The following HNRNPM variants were observed in gnomAD, a reference collection of about 807,000 sequenced individuals.
HNRNPM encodes the protein CEA receptor.
A neutral mutation model predicts 73.1 loss-of-function variants in HNRNPM; 11 were observed. The ratio of observed to expected loss-of-function variants is 0.15; its 90% CI spans 0.09 to 0.25. The LOEUF is 0.25. HNRNPM is among the 10% of genes least tolerant of loss of function. The pLI, the probability that HNRNPM is intolerant of heterozygous loss-of-function variation, is 1.00. For missense variants in HNRNPM, 789 were observed against 1,067.9 expected (o/e 0.74, Z 3.64); for synonymous variants, 407 against 355.2 (o/e 1.15, Z -1.64).
At chr19:8,459,462 T>C (rs1969249868) in intron 2 of HNRNPM, among the ~76,000 whole-genome samples, 2 of 152,140 alleles carry the variant, frequency 1.3e-5, no homozygotes, top group Admixed American at 6.6e-5. Context: ...TATTAAAGAG[T>C]GTGCATGTGT....
chr19:8,446,529 C>T (rs530049280), intron 1 of HNRNPM, among the ~76,000 whole-genome samples: 115 of 152,300 alleles, frequency 7.6e-4, no homozygotes, highest in African/African-American at 2.6e-3. Flanking sequence ...TCCATCTCAG[C>T]CTCCTGAGTA....
chr19:8,452,701 C>G (rs1168524522), intron 1 of HNRNPM, among the ~76,000 whole-genome samples: 1 of 152,188 alleles, frequency 6.6e-6, no homozygotes, highest in Non-Finnish European at 1.5e-5. Flanking sequence ...TGAGAGATCA[C>G]AGAGGAAGCT....
In HNRNPM at chr19:8,445,091, C is replaced by A. The variant is rs774566448; in HGVS notation, c.93C>A (p.Asn31Lys). 7.0e-7 allele frequency: 1 copy of A among 1,418,560 alleles called. No individual in the cohort carries two copies. Among genetic ancestry groups the A allele is most frequent in the Admixed American group, 3.7e-5 (1 of 27,054 alleles). The allele number at this position is 1,418,560 out of a possible 1,614,324, so 87.9% of individuals were successfully genotyped here. A position where few individuals can be genotyped will look rare whatever the true frequency, so the allele number is the denominator to read the frequency against. ...GCGCGCCCGGCGTGCCGAGCGGCAACGGGGCTCCGGGCCCTAAGGGGTGAG... is the reference window on the plus strand; with the variant it reads ...GCGCGCCCGGCGTGCCGAGCGGCAAAGGGGCTCCGGGCCCTAAGGGGTGAG... ...ESGAPGVPSG[N>K]GAPGPKGEGE... is the part of the protein sequence containing the mutation. Residue 31 changes from asparagine to lysine, a missense_variant, in exon 1 of 16, where the codon AAC (asparagine) becomes AAA (lysine). Asn to Lys is a moderately conservative substitution (Grantham distance 94). Transcript: ENST00000325495.
At chr19:8,483,709 A>G (rs935108160) in intron 13 of HNRNPM, among the ~76,000 whole-genome samples, 2 of 152,236 alleles carry the variant, frequency 1.3e-5, no homozygotes, top group Non-Finnish European at 2.9e-5. Context: ...ACTGCCGGAA[A>G]CATTTTGTTC....
At chr19:8,454,684 CT>C (rs57290220) in intron 1 of HNRNPM, among the ~76,000 whole-genome samples, 2,161 of 118,762 alleles carry the variant, frequency 0.018, 32 homozygotes, top group East Asian at 0.03. Flanking sequence ...CCCCCCCCCC[CT>C]TTTTTTTTTT....
At chr19:8,484,518 C>A (rs1013027097) in intron 13 of HNRNPM, among the ~76,000 whole-genome samples, 4 of 152,242 alleles carry the variant, frequency 2.6e-5, no homozygotes, top group Non-Finnish European at 5.9e-5. Flanking sequence ...CCCATTCTCG[C>A]TAGGTTCCTT....
chr19:8,484,877 G>A (rs1220592836), intron 13 of HNRNPM, among the ~76,000 whole-genome samples: 2 of 152,094 alleles, frequency 1.3e-5, no homozygotes, highest in African/African-American at 2.4e-5. Flanking sequence ...GCGTCCCTTC[G>A]TTCTGCTGAC....
chr19:8,445,444 C>T, intron 1 of HNRNPM: 1 of 224,910 alleles, frequency 4.4e-6, no homozygotes, highest in Non-Finnish European at 8.7e-6. Context: ...CCTACCCGAC[C>T]GCTCCCCGGG....
In HNRNPM at chr19:8,471,273, G is replaced by T. The variant is rs1328571976; in HGVS notation, c.896-53G>T. 5 of 1,153,072 alleles carry T rather than the reference G, an allele frequency of 4.3e-6. No individual in the cohort carries two copies. The East Asian group carries it at 1.0e-4, about 24-fold the overall frequency. The allele number at this position is 1,153,072 out of a possible 1,614,324, so 71.4% of individuals were successfully genotyped here. ...CACTAAACACTCTTTTCCTTTGAGG[G>T]TCAAGGTTTGCTAAATAGGGGAAAA... is the stretch of plus-strand genomic sequence containing the variant. On this transcript the variant is annotated intron_variant, in intron 9 of 15. Transcript: ENST00000325495.
rs1419238187 is a variant in HNRNPM, at chr19:8,462,368, C to T, written c.284-161C>T. ...TGTTTTCACCTACTTTTACTGCACA[C>T]CTGTAATGCCTAGTTCGGTGGTTTA... On this transcript the variant is annotated intron_variant, in intron 2 of 15. Coordinates refer to ENST00000325495, the MANE Select transcript of HNRNPM (RefSeq NM_005968.5). The surrounding 1 kb of genome is among the most constrained non-coding windows in gnomAD (Gnocchi z 4.5). The T allele has an allele frequency of 1.5e-6, 1 of 658,176 alleles. No homozygotes were observed. The allele number at this position is 658,176 out of a possible 1,614,324, so 40.8% of individuals were successfully genotyped here.
At chr19:8,470,323 C>T (rs1486607872) in intron 9 of HNRNPM, among the ~76,000 whole-genome samples, 2 of 152,108 alleles carry the variant, frequency 1.3e-5, no homozygotes, top group Non-Finnish European at 2.9e-5. Context: ...TTCTTTCCTT[C>T]CTTTCTTCCT....
In HNRNPM at chr19:8,445,033, C is replaced by T. The variant is rs1031762845; in HGVS notation, c.35C>T (p.Ala12Val). ...GGGGTCGAAGCGGCGGCGGAGGTGG[C>T]GGCGACGGAGATCAAAATGGAGGAA... is the stretch of plus-strand genomic sequence containing the variant. The part of the protein sequence containing the change: ...AAGVEAAAEV[A>V]ATEIKMEEES... The change falls in exon 1 of 16, where the codon GCG (alanine) becomes GTG (valine). Residue 12 changes from alanine to valine, a missense_variant. Around this residue, in one of 4 missense-constraint regions of HNRNPM, gnomAD observed 79 missense variants for 70.7 expected, o/e 1.12. Transcript: ENST00000325495. 22 of 1,421,812 alleles carry T rather than the reference C, an allele frequency of 1.5e-5. No homozygotes were observed. Among genetic ancestry groups the T allele is most frequent in the Non-Finnish European group, 1.8e-5 (20 of 1,091,040 alleles). 88.1% of individuals were successfully genotyped at this position (1,421,812 alleles called of 1,614,324 possible). A position where few individuals can be genotyped will look rare whatever the true frequency, so the allele number is the denominator to read the frequency against.
intron 12 of HNRNPM, among the ~76,000 whole-genome samples, chr19:8,479,055 T>C (rs1290071521): frequency 3.3e-5 from 5 of 150,966 alleles, no homozygotes; most frequent in African/African-American, 1.2e-4. Flanking sequence ...GCAGAGCAAT[T>C]TCCTCCTCTT....
At chr19:8,465,130 T>G (rs948842200) in intron 5 of HNRNPM, among the ~76,000 whole-genome samples, 194 bp from the exon 6 acceptor site, 1 of 152,222 alleles carries the variant, frequency 6.6e-6, no homozygotes, top group Non-Finnish European at 1.5e-5. Context: ...ATGCCTTTTC[T>G]TCCTTTCCTA....
intron 12 of HNRNPM, chr19:8,481,323 T>C (rs879316955): frequency 6.5e-6 from 1 of 152,840 alleles, no homozygotes; most frequent in Non-Finnish European, 1.5e-5. Context: ...CAGATGCTGC[T>C]CAGGGCATTG....
chr19:8,467,296 G>T (rs888087329), intron 7 of HNRNPM, among the ~76,000 whole-genome samples: 1 of 152,200 alleles, frequency 6.6e-6, no homozygotes, highest in Non-Finnish European at 1.5e-5. Context: ...TGGTGAAATT[G>T]TAAGGTTACG....
intron 9 of HNRNPM, 23 bp from the exon 10 acceptor site, chr19:8,471,303 G>C (rs1568283279): frequency 6.8e-7 from 1 of 1,474,788 alleles, no homozygotes; most frequent in Non-Finnish European, 9.2e-7. Context: ...GGAAAACTAA[G>C]CTTCTTTCTC....
chr19:8,458,529 C>T (rs146849306), intron 2 of HNRNPM, among the ~76,000 whole-genome samples: 215 of 152,338 alleles, frequency 1.4e-3, no homozygotes, highest in African/African-American at 5.0e-3. Context: ...ACCAGGCAGC[C>T]GGCAGCACCC....
Position 8,455,390 on chromosome 19 carries a change from C to G in HNRNPM, c.114-15C>G, listed in dbSNP as rs1367689356. ...TATAAACCCTTTACCTTTTTTTCCT[C>G]TCTCTCGAATTCAGTGAAGGAGAAC... On this transcript the variant is annotated splice_polypyrimidine_tract_variant and intron_variant, in intron 1 of 15. Transcript: ENST00000325495. 6.3e-7 allele frequency: 1 copy of G among 1,593,286 alleles called. No individual in the cohort carries two copies. The highest frequency in any genetic ancestry group is 1.1e-5 in the South Asian group (1 of 88,368).
Sources: gnomAD v4.1 joint callset for allele counts (sites outside exome capture counted in the v4.1 genomes callset) on GRCh38, gnomAD v4.1.1 for gene constraint, gnomAD v4.1.1 regional missense constraint, Gnocchi (gnomAD v3.1) non-coding constraint, MANE v1.5 for transcripts, NCBI Gene and HGNC (gene_info 2026-07-23, HGNC 2026-07-21) for gene names.